The following CSMD3 variants were observed in gnomAD, a reference collection of about 807,000 sequenced individuals.
The protein encoded by CSMD3 is CUB and Sushi multiple domains 3, also known as CUB and sushi domain-containing protein 3.
Under a neutral mutation model 435.2 loss-of-function variants are expected in CSMD3, and 177 were observed. The observed-to-expected ratio is 0.41, with a 90% CI of 0.36 to 0.46. The LOEUF is 0.46. Among genes scored for constraint, CSMD3 ranks in the 20% least tolerant of loss-of-function variants. The pLI is 0.34. For synonymous variants in CSMD3, 1,656 were observed against 1,520.5 expected, an observed-to-expected ratio of 1.09 and a Z score of -2.07; for missense variants, 4,265 against 4,504.6, an observed-to-expected ratio of 0.95 and a Z score of 1.52.
chr8:113,010,581 C>A (rs368673705), intron 6 of CSMD3, among the ~76,000 whole-genome samples: 1 of 151,598 alleles, frequency 6.6e-6, no homozygotes, highest in Non-Finnish European at 1.5e-5. Context: ...GTAGTTGGTA[C>A]ATTTAAAGAT....
intron 32 of CSMD3, among the ~76,000 whole-genome samples, chr8:112,452,609 T>G (rs1424281892): frequency 6.6e-6 from 1 of 152,220 alleles, no homozygotes; most frequent in Non-Finnish European, 1.5e-5. Flanking sequence ...GACAATATTT[T>G]ATTGCCTTTT....
chr8:112,295,259 A>T (rs1400492723), intron 54 of CSMD3, among the ~76,000 whole-genome samples: 2 of 152,158 alleles, frequency 1.3e-5, no homozygotes, highest in Non-Finnish European at 2.9e-5. Context: ...ATATAAGGGA[A>T]TTACGGCCCA....
intron 59 of CSMD3, among the ~76,000 whole-genome samples, chr8:112,271,569 G>C (rs1055754894): frequency 6.6e-6 from 1 of 152,204 alleles, no homozygotes; most frequent in African/African-American, 2.4e-5. Context: ...GAGTGAAATA[G>C]ACTAGGGTTT....
chr8:113,073,088 C>T (rs552548337), intron 5 of CSMD3, among the ~76,000 whole-genome samples: 13 of 151,806 alleles, frequency 8.6e-5, no homozygotes, highest in South Asian at 2.1e-4. Context: ...AAATCTCTCC[C>T]GAATTTTCCT....
intron 5 of CSMD3, among the ~76,000 whole-genome samples, chr8:113,020,410 A>C (rs534170353): frequency 6.6e-6 from 1 of 152,234 alleles, no homozygotes; most frequent in East Asian, 1.9e-4. Context: ...CTCTTGCTTT[A>C]TAATTTTTTG....
intron 3 of CSMD3, among the ~76,000 whole-genome samples, chr8:113,181,797 A>G (rs1446419785): frequency 6.6e-6 from 1 of 152,096 alleles, no homozygotes; most frequent in East Asian, 1.9e-4. Context: ...GTTTCTGAAC[A>G]TGGAATAATG....
intron 32 of CSMD3, among the ~76,000 whole-genome samples, chr8:112,412,650 T>G (rs911567352): frequency 6.6e-6 from 1 of 152,136 alleles, no homozygotes; most frequent in Non-Finnish European, 1.5e-5. Context: ...ACCAGTAAGA[T>G]AAAAGCAAAC....
chr8:112,431,527 T>A (rs902066888), intron 32 of CSMD3, among the ~76,000 whole-genome samples: 1 of 152,116 alleles, frequency 6.6e-6, no homozygotes, highest in African/African-American at 2.4e-5. Flanking sequence ...GAAAAATGAA[T>A]GGTGATGAGG....
At chr8:113,045,329 C>A (rs1430315909) in intron 5 of CSMD3, among the ~76,000 whole-genome samples, 1 of 149,144 alleles carries the variant, frequency 6.7e-6, no homozygotes. Flanking sequence ...CATAATTGTA[C>A]CATTTTAAAG....
At position 112,656,168 on chromosome 8, in the gene CSMD3, T is replaced by C. The variant is rs1486633700; in HGVS notation, c.2990A>G (p.Lys997Arg). 3.9e-6 allele frequency: 6 copies of C among 1,551,502 alleles called. No homozygotes were observed. Among genetic ancestry groups the C allele is most frequent in the South Asian group, 1.1e-5 (1 of 89,366 alleles). The change falls in exon 18 of 71, where the codon AAG (lysine) becomes AGG (arginine). Residue 997 changes from lysine (K) to arginine (R), a missense_variant. Lys to Arg is a conservative substitution (Grantham distance 26). Coordinates refer to ENST00000297405, the MANE Select transcript of CSMD3 (RefSeq NM_198123.2). ...TCATTACTTACTTTCATAATGAATCTTGAAACCATTATTGGAACGACTGTT... is the reference window on the plus strand; with the variant it reads ...TCATTACTTACTTTCATAATGAATCCTGAAACCATTATTGGAACGACTGTT... ...TDNSRSNNGFKIHYESVTVNT... is the reference protein window; with the variant it reads ...TDNSRSNNGFRIHYESVTVNT...
At chr8:112,246,732 T>C (rs955042235) in intron 64 of CSMD3, among the ~76,000 whole-genome samples, 5 of 152,156 alleles carry the variant, frequency 3.3e-5, no homozygotes, top group Non-Finnish European at 7.3e-5. Context: ...TGCAGATCTA[T>C]AAACTAAAAC....
intron 1 of CSMD3, among the ~76,000 whole-genome samples, chr8:113,387,407 A>G (rs766085126): frequency 6.6e-6 from 1 of 151,800 alleles, no homozygotes; most frequent in Non-Finnish European, 1.5e-5. Context: ...ATCAGCATAT[A>G]CATTAGGAAG....
intron 5 of CSMD3, among the ~76,000 whole-genome samples, chr8:113,078,361 C>CA (rs2131439935): frequency 6.6e-6 from 1 of 152,246 alleles, no homozygotes; most frequent in African/African-American, 2.4e-5. Context: ...TTTCTTATGG[C>CA]ATACAAAATG....
chr8:112,827,510 T>G (rs889721771), intron 12 of CSMD3, among the ~76,000 whole-genome samples: 1 of 152,170 alleles, frequency 6.6e-6, no homozygotes, highest in South Asian at 2.1e-4. Flanking sequence ...GGAAAAGATA[T>G]CTCATCAAAT....
chr8:112,452,700 C>T (rs1563553829), intron 32 of CSMD3, among the ~76,000 whole-genome samples: 1 of 152,144 alleles, frequency 6.6e-6, no homozygotes, highest in African/African-American at 2.4e-5. Context: ...GATTACATCA[C>T]TCATCTGTTG....
At chr8:112,844,658 A>G (rs1174503768) in intron 11 of CSMD3, among the ~76,000 whole-genome samples, 1 of 151,926 alleles carries the variant, frequency 6.6e-6, no homozygotes, top group Non-Finnish European at 1.5e-5. Flanking sequence ...GAGTTAGACT[A>G]TGACTCTGAG....
intron 3 of CSMD3, among the ~76,000 whole-genome samples, chr8:113,175,497 A>T (rs2131899596): frequency 6.6e-6 from 1 of 152,020 alleles, no homozygotes; most frequent in East Asian, 1.9e-4. Context: ...AATGAAAGTT[A>T]TTTCTAATTT....
intron 10 of CSMD3, among the ~76,000 whole-genome samples, chr8:112,887,557 A>G (rs1403567472): frequency 6.6e-6 from 1 of 151,494 alleles, no homozygotes; most frequent in Admixed American, 6.6e-5. Flanking sequence ...ACCAATATTT[A>G]GACACCTTTC....
chr8:112,690,016 T>G lies in CSMD3; in HGVS notation c.2007A>C (p.Thr669=), dbSNP rs1380414171. 6.2e-7 allele frequency: 1 copy of G among 1,613,078 alleles called. No individual in the cohort carries two copies. The highest frequency in any genetic ancestry group is 1.3e-5 in the African/African-American group (1 of 74,816). ...IEKESCGDPG[T]PLYGIREGDG... is the part of the protein sequence containing the mutation. ...CGCCTTCTCTAATTCCATATAAGGGTGTACCAGGATCACCACAACTTTCTT... is the reference window on the plus strand; with the variant it reads ...CGCCTTCTCTAATTCCATATAAGGGGGTACCAGGATCACCACAACTTTCTT... Residue 669 remains threonine (T), a synonymous_variant, in exon 14 of 71, where the codon ACA becomes ACC. Coordinates refer to ENST00000297405, the MANE Select transcript of CSMD3 (RefSeq NM_198123.2).
Sources: allele counts gnomAD v4.1 joint callset (sites outside exome capture counted in the v4.1 genomes callset), GRCh38; gene constraint gnomAD v4.1.1; transcripts MANE v1.5; gene names NCBI Gene and HGNC (gene_info 2026-07-23, HGNC 2026-07-21).